FOXP2: variants seen among roughly 807,000 people sequenced by gnomAD.
The protein encoded by FOXP2 is forkhead box P2, also known as forkhead box protein P2.
A neutral mutation model predicts 115.8 loss-of-function variants in FOXP2; 12 were observed. The ratio of observed to expected loss-of-function variants is 0.10; its 90% CI spans 0.07 to 0.17. The LOEUF (loss-of-function observed/expected upper bound fraction) is 0.17, where lower values mean the gene tolerates loss of function less well. Among genes scored for constraint, FOXP2 ranks in the 10% least tolerant of loss-of-function variants. The pLI is 1.00. For synonymous variants in FOXP2, 328 were observed against 297.7 expected, an observed-to-expected ratio of 1.10 and a Z score of -1.05; for missense variants, 629 against 843.5, an observed-to-expected ratio of 0.75 and a Z score of 3.15.
chr7:114,645,175 T>C (rs1281712973), intron 8 of FOXP2: 1 of 123,108 alleles, frequency 8.1e-6, no homozygotes, highest in Non-Finnish European at 1.7e-5. Context: ...TATATATATA[T>C]ATATTTCAGT....
intron 2 of FOXP2, among the ~76,000 whole-genome samples, chr7:114,354,653 C>A (rs1791572301): frequency 6.6e-6 from 1 of 152,044 alleles, no homozygotes; most frequent in African/African-American, 2.4e-5. Context: ...ACCTTATTCC[C>A]TTCAAGTCCA....
At chr7:114,677,200 C>G (rs1391671091) in intron 16 of FOXP2, among the ~76,000 whole-genome samples, 1 of 145,156 alleles carries the variant, frequency 6.9e-6, no homozygotes, top group Non-Finnish European at 1.5e-5. Context: ...AAAAAACAAA[C>G]TTAAGACTTA....
At chr7:114,371,374 C>A (rs2129189503) in intron 2 of FOXP2, among the ~76,000 whole-genome samples, 1 of 152,038 alleles carries the variant, frequency 6.6e-6, no homozygotes, top group South Asian at 2.1e-4. Context: ...GCATGAGCCA[C>A]CGCACCTGGC....
chr7:114,509,090 G>C (rs191668534), intron 2 of FOXP2, among the ~76,000 whole-genome samples: 2 of 152,040 alleles, frequency 1.3e-5, no homozygotes, highest in East Asian at 3.9e-4. Context: ...TCTATTTGAG[G>C]TTTAGCAAGG....
chr7:114,126,632 A>G (rs1791717302), intron 1 of FOXP2, among the ~76,000 whole-genome samples: 1 of 152,180 alleles, frequency 6.6e-6, no homozygotes, highest in Admixed American at 6.6e-5. Context: ...ATAAAAGGAC[A>G]TACATAATCT....
At chr7:114,615,511 T>A (rs1302815766) in intron 3 of FOXP2, among the ~76,000 whole-genome samples, 1 of 152,150 alleles carries the variant, frequency 6.6e-6, no homozygotes, top group Non-Finnish European at 1.5e-5. Flanking sequence ...CTTAAAACAT[T>A]CTTTTGGCTT....
At chr7:114,636,166 C>T (rs1805205596) in intron 6 of FOXP2, among the ~76,000 whole-genome samples, 1 of 152,116 alleles carries the variant, frequency 6.6e-6, no homozygotes, top group South Asian at 2.1e-4. Context: ...ACACCCAGAT[C>T]TCTGAAGGAT....
chr7:114,141,397 A>C (rs542009709), intron 1 of FOXP2, among the ~76,000 whole-genome samples: 1 of 152,350 alleles, frequency 6.6e-6, no homozygotes, highest in African/African-American at 2.4e-5. Flanking sequence ...TCTCAAGAAA[A>C]GGTGTGATTT....
Position 114,610,929 on chromosome 7 carries a change from T to C in FOXP2, c.259-17611T>C, listed in dbSNP as rs865906608. On this transcript the variant is annotated intron_variant, in intron 3 of 16. Coordinates refer to ENST00000350908, the MANE Select transcript of FOXP2 (RefSeq NM_014491.4). ...GGATTATAAGCATGAGCCATCAGCCTGGCCCTAAGAGTTCTTTTTTCATTC... is the reference window on the plus strand; with the variant it reads ...GGATTATAAGCATGAGCCATCAGCCCGGCCCTAAGAGTTCTTTTTTCATTC... 1.7e-4 allele frequency among the ~76,000 whole-genome samples: 26 copies of C among 152,208 alleles called. 1 individual carries two copies. The highest frequency in any genetic ancestry group is 6.2e-4 in the South Asian group (3 of 4,826).
At chr7:114,333,706 G>A (rs1222803077) in intron 2 of FOXP2, among the ~76,000 whole-genome samples, 1 of 152,146 alleles carries the variant, frequency 6.6e-6, no homozygotes, top group Non-Finnish European at 1.5e-5. Context: ...GGCCAACATG[G>A]TGAAACCCCC....
chr7:114,180,083 A>G (rs1175463146), intron 1 of FOXP2, among the ~76,000 whole-genome samples: 2 of 152,000 alleles, frequency 1.3e-5, no homozygotes, highest in Non-Finnish European at 2.9e-5. Context: ...ACCTTAGTGG[A>G]TGTCACCTCT....
At chr7:114,204,291 T>G (rs1199855679) in intron 1 of FOXP2, among the ~76,000 whole-genome samples, 1 of 152,214 alleles carries the variant, frequency 6.6e-6, no homozygotes. Context: ...TTATTTTACC[T>G]TTTTTTGAAT....
At chr7:114,471,292 A>G (rs574386198) in intron 2 of FOXP2, among the ~76,000 whole-genome samples, 6 of 152,294 alleles carry the variant, frequency 3.9e-5, no homozygotes, top group East Asian at 3.9e-4. Flanking sequence ...GTGATGATAA[A>G]TTTTGTATTC....
chr7:114,598,645 T>C (rs910797419), intron 3 of FOXP2, among the ~76,000 whole-genome samples: 4 of 152,162 alleles, frequency 2.6e-5, no homozygotes, highest in African/African-American at 9.6e-5. Context: ...GATTTCTAAG[T>C]GTACAGTTCA....
At chr7:114,256,258 A>G (rs1230258702) in intron 1 of FOXP2, among the ~76,000 whole-genome samples, 1 of 151,944 alleles carries the variant, frequency 6.6e-6, no homozygotes, top group Non-Finnish European at 1.5e-5. Context: ...ATGTGCCACC[A>G]TGCCTGGCTA....
At chr7:114,245,201 A>G (rs1029280280) in intron 1 of FOXP2, among the ~76,000 whole-genome samples, 1 of 152,210 alleles carries the variant, frequency 6.6e-6, no homozygotes, top group South Asian at 2.1e-4. Context: ...GATCTACCTA[A>G]TATTAATATT....
chr7:114,459,015 C>A (rs1795444738), intron 2 of FOXP2, among the ~76,000 whole-genome samples: 1 of 152,134 alleles, frequency 6.6e-6, no homozygotes, highest in Non-Finnish European at 1.5e-5. Flanking sequence ...AAGGCTTCAA[C>A]CTCCTAGCTG....
At chr7:114,194,951 T>C (rs1259636653) in intron 1 of FOXP2, among the ~76,000 whole-genome samples, 3 of 152,174 alleles carry the variant, frequency 2.0e-5, no homozygotes, top group Non-Finnish European at 4.4e-5. Context: ...ATAGTTCATA[T>C]ATTTGCCTTA....
At chr7:114,584,997 TG>T (rs1269559043) in intron 3 of FOXP2, among the ~76,000 whole-genome samples, 1 of 152,210 alleles carries the variant, frequency 6.6e-6, no homozygotes, top group Non-Finnish European at 1.5e-5. Context: ...TGTTTGCTTT[TG>T]TTATTCATAA....
Sources: allele counts gnomAD v4.1 joint callset (sites outside exome capture counted in the v4.1 genomes callset), GRCh38; gene constraint gnomAD v4.1.1; transcripts MANE v1.5; gene names NCBI Gene and HGNC (gene_info 2026-07-23, HGNC 2026-07-21).